LRP5: variants seen among roughly 807,000 people sequenced by gnomAD.
LRP5 encodes low-density lipoprotein receptor-related protein 5.
Under a neutral mutation model 154.1 loss-of-function variants are expected in LRP5, and 62 were observed. The ratio of observed to expected loss-of-function variants is 0.40; its 90% CI spans 0.33 to 0.50. The LOEUF (loss-of-function observed/expected upper bound fraction) is 0.50. Ranked by LOEUF, LRP5 falls within the 20% of genes least tolerant of loss-of-function variation. The pLI is 0.55. For synonymous variants in LRP5, 966 were observed against 1,011.5 expected, an observed-to-expected ratio of 0.96 and a Z score of 0.85; for missense variants, 1,915 against 2,336.7, an observed-to-expected ratio of 0.82 and a Z score of 3.72.
chr11:68,431,857 C>T (rs2098672085), intron 17 of LRP5, among the ~76,000 whole-genome samples: 1 of 142,798 alleles, frequency 7.0e-6, no homozygotes, highest in Non-Finnish European at 1.5e-5. Flanking sequence ...CCATGCCCTT[C>T]CATCCACCAC....
In LRP5 at chr11:68,379,510, C is replaced by T. The variant is rs111862113; in HGVS notation, c.1016-6806C>T. ...CACTTAAGTGTCAGACAGGCCTTTC[C>T]ACCTCACTGGCAGCTCTGAGCGGCT... On this transcript the variant is annotated intron_variant, in intron 5 of 22. Transcript: ENST00000294304. Among the ~76,000 whole-genome samples the T allele has an allele frequency of 9.5e-4, 144 of 152,322 alleles. 1 individual carries two copies. Among genetic ancestry groups the T allele is most frequent in the African/African-American group, 3.2e-3 (132 of 41,560 alleles).
At chr11:68,352,221 G>C (rs1359934297) in intron 2 of LRP5, among the ~76,000 whole-genome samples, 2 of 152,152 alleles carry the variant, frequency 1.3e-5, no homozygotes, top group Non-Finnish European at 2.9e-5. Context: ...CGAGATTTGG[G>C]ATCTGTTCTG....
intron 1 of LRP5, among the ~76,000 whole-genome samples, chr11:68,328,976 C>G (rs921505327): frequency 3.9e-5 from 6 of 152,164 alleles, no homozygotes; most frequent in Non-Finnish European, 8.8e-5. Context: ...GGTGGGGTAC[C>G]TGAGGGATCC....
chr11:68,313,593 C>T lies in LRP5; in HGVS notation c.91+788C>T, dbSNP rs367718093. Among the ~76,000 whole-genome samples, 4 of 152,330 alleles carry T rather than the reference C, an allele frequency of 2.6e-5. No individual in the cohort carries two copies. The East Asian group carries it at 5.8e-4, about 22-fold the overall frequency. ...GTTGAGGTCAGGAGGACTCAGGAAA[C>T]TTAAGCAGTCGTGAAACGCTACACA... On this transcript the variant is annotated intron_variant, in intron 1 of 22. Coordinates refer to ENST00000294304, the MANE Select transcript of LRP5 (RefSeq NM_002335.4).
chr11:68,305,694 T>C, the LRP5 span, among the ~76,000 whole-genome samples: 1 of 152,222 alleles, frequency 6.6e-6, no homozygotes, highest in East Asian at 1.9e-4. Flanking sequence ...CCACTCACCT[T>C]GGCCTCCCAA....
At chr11:68,425,811 T>C (rs1370202436) in intron 15 of LRP5, among the ~76,000 whole-genome samples, 167 bp from the exon 16 acceptor site, 2 of 152,044 alleles carry the variant, frequency 1.3e-5, no homozygotes, top group Non-Finnish European at 2.9e-5. Context: ...AGGGCTTGTC[T>C]TGGGTCGGCC....
Position 68,365,662 on chromosome 11 carries a change from G to T in LRP5, c.975G>T (p.Thr325=), listed in dbSNP as rs765854475. 6.2e-7 allele frequency: 1 copy of T among 1,612,636 alleles called. No individual in the cohort carries two copies. Among genetic ancestry groups the T allele is most frequent in the Non-Finnish European group, 8.5e-7 (1 of 1,179,452 alleles). ...CTTTCTACACATGCGCCTGCCCCAC[G>T]GGTGTGCAGCTGCAGGACAACGGCA... ...SEPFYTCACP[T]GVQLQDNGRT... Residue 325 remains threonine (T), a synonymous_variant, in exon 5 of 23, where the codon ACG becomes ACT. Coordinates refer to ENST00000294304, the MANE Select transcript of LRP5 (RefSeq NM_002335.4).
At position 68,433,795 on chromosome 11, in the gene LRP5, C is replaced by A. The variant is rs778998196; in HGVS notation, c.3957C>A (p.Gly1319=). The change falls in exon 18 of 23, where the codon GGC becomes GGA. Residue 1319 remains glycine, a synonymous_variant. Coordinates refer to ENST00000294304, the MANE Select transcript of LRP5 (RefSeq NM_002335.4). The part of the protein sequence containing the change: ...QCVDLRLRCD[G]EADCQDRSDE... ...TGGACCTGCGCCTGCGCTGCGACGG[C>A]GAGGCAGACTGTCAGGACCGCTCAG... 1.2e-6 allele frequency: 2 copies of A among 1,612,608 alleles called. No homozygotes were observed. Among genetic ancestry groups the A allele is most frequent in the Non-Finnish European group, 1.7e-6 (2 of 1,179,752 alleles).
chr11:68,392,791 T>C (rs1365980720), intron 7 of LRP5, among the ~76,000 whole-genome samples: 1 of 152,140 alleles, frequency 6.6e-6, no homozygotes, highest in Non-Finnish European at 1.5e-5. Flanking sequence ...TCCATAGCAT[T>C]GTGTTTTCCA....
intron 7 of LRP5, 86 bp downstream of exon 7, chr11:68,390,138 T>C: frequency 6.7e-7 from 1 of 1,498,944 alleles, no homozygotes; most frequent in Non-Finnish European, 9.2e-7. Flanking sequence ...GAGGCACCGA[T>C]GGGTGCCTGT....
At chr11:68,341,610 C>T (rs573982340) in intron 1 of LRP5, among the ~76,000 whole-genome samples, 2 of 152,184 alleles carry the variant, frequency 1.3e-5, no homozygotes, top group East Asian at 3.9e-4. Context: ...GGGCACATGA[C>T]GTGGTGGGAA....
chr11:68,418,500 G>C (rs570092204), intron 13 of LRP5, among the ~76,000 whole-genome samples: 2 of 152,162 alleles, frequency 1.3e-5, no homozygotes, highest in African/African-American at 4.8e-5. Flanking sequence ...CTTTCTTGAG[G>C]CAGAGAGAGG....
Position 68,397,720 on chromosome 11 carries a change from C to T in LRP5, c.1585-5763C>T, listed in dbSNP as rs1760883377. Among the ~76,000 whole-genome samples the T allele has an allele frequency of 2.0e-5, 3 of 152,240 alleles. No homozygotes were observed. In the South Asian group the frequency reaches 6.2e-4, roughly 32 times the overall value. ...GGCCTGGTCTCCCAGAGCAGAGACC[C>T]TCTGAGGTCCAGCCTGAGTTGGGGT... On this transcript the variant is annotated intron_variant, in intron 7 of 22. Coordinates refer to ENST00000294304, the MANE Select transcript of LRP5 (RefSeq NM_002335.4).
At chr11:68,381,053 A>C (rs1245041198) in intron 5 of LRP5, among the ~76,000 whole-genome samples, 1 of 152,186 alleles carries the variant, frequency 6.6e-6, no homozygotes, top group African/African-American at 2.4e-5. Flanking sequence ...TGGTGTCCTC[A>C]TGAGAGCAGG....
rs2098676318 is a variant in LRP5 at position 68,438,546 on chromosome 11, T to C, written c.4212T>C (p.Tyr1404=). The part of the protein sequence containing the change: ...ILSLFVMGGV[Y]FVCQRVVCQR... The stretch of plus-strand genomic sequence containing the variant: ...CTCTCTTCGTCATGGGTGGTGTCTA[T>C]TTTGTGTGCCAGCGCGTGGTGTGCC... Residue 1404 remains tyrosine, a synonymous_variant, in exon 20 of 23, where the codon TAT becomes TAC. Transcript: ENST00000294304. 6.2e-7 allele frequency: 1 copy of C among 1,614,080 alleles called. No homozygotes were observed. The highest frequency in any genetic ancestry group is 1.7e-5 in the Admixed American group (1 of 60,012).
intron 5 of LRP5, among the ~76,000 whole-genome samples, chr11:68,383,866 G>A (rs1233204233): frequency 6.6e-6 from 1 of 152,218 alleles, no homozygotes; most frequent in Non-Finnish European, 1.5e-5. Flanking sequence ...TTGAAGGACA[G>A]GTCCATTGTC....
intron 1 of LRP5, among the ~76,000 whole-genome samples, chr11:68,338,311 G>A (rs2098606841): frequency 6.6e-6 from 1 of 152,212 alleles, no homozygotes; most frequent in Admixed American, 6.5e-5. Flanking sequence ...GTCTTGTTTG[G>A]TGTAACCATG....
At chr11:68,333,728 C>T (rs2098604148) in intron 1 of LRP5, among the ~76,000 whole-genome samples, 1 of 152,142 alleles carries the variant, frequency 6.6e-6, no homozygotes, top group African/African-American at 2.4e-5. Context: ...TGGATTATAT[C>T]TGAGAACTAA....
intron 7 of LRP5, among the ~76,000 whole-genome samples, chr11:68,396,153 G>A (rs544869583): frequency 5.9e-5 from 9 of 152,226 alleles, no homozygotes; most frequent in Non-Finnish European, 7.4e-5. Context: ...AAGGAGCCAC[G>A]GCTCCTTGAG....
Sources: allele counts gnomAD v4.1 joint callset (sites outside exome capture counted in the v4.1 genomes callset), GRCh38; gene constraint gnomAD v4.1.1; transcripts MANE v1.5; gene names NCBI Gene and HGNC (gene_info 2026-07-23, HGNC 2026-07-21).